STOX2: variants seen among roughly 807,000 people sequenced by gnomAD.
STOX2 encodes the protein storkhead-box protein 2.
In STOX2, 28 loss-of-function variants were observed where a neutral mutation model predicts 60.9. The ratio of observed to expected loss-of-function variants is 0.46; its 90% confidence interval spans 0.34 to 0.63. The LOEUF is 0.63. Among genes scored for constraint, STOX2 ranks in the 30% least tolerant of loss-of-function variants. The pLI is 0.01. For synonymous variants in STOX2, 472 were observed against 463.9 expected (o/e 1.02, Z -0.22); for missense variants, 1,024 against 1,187.7 (o/e 0.86, Z 2.03).
chr4:183,822,839 T>C (rs1739333263), intron 1 of STOX2, among the ~76,000 whole-genome samples: 1 of 152,226 alleles, frequency 6.6e-6, no homozygotes, highest in Admixed American at 6.5e-5. Context: ...AGGCTCTTCT[T>C]ATCTCTATTG....
At chr4:184,008,438 G>A (rs1054969975) in intron 2 of STOX2, among the ~76,000 whole-genome samples, 7 of 152,184 alleles carry the variant, frequency 4.6e-5, no homozygotes, top group African/African-American at 1.7e-4. Flanking sequence ...GAGTGTCAAA[G>A]CCTTCACTCA....
rs202009837 is a variant in STOX2 at position 184,010,863 on chromosome 4, C to T, written c.2025C>T (p.Ile675=). The T allele has an allele frequency of 1.4e-4, 228 of 1,607,482 alleles. 1 individual carries two copies. Among genetic ancestry groups the T allele is most frequent in the East Asian group, 9.2e-4 (41 of 44,778 alleles). ...PAASGGVAEG[I]ANGRLVQHHG... ...CTTCGGGAGGAGTGGCTGAAGGGAT[C>T]GCCAACGGACGCCTCGTCCAGCACC... Residue 675 remains isoleucine, a synonymous_variant, in exon 3 of 4, where the codon ATC becomes ATT. Transcript: ENST00000308497. The surrounding 1 kb of genome is among the most constrained non-coding windows in gnomAD (Gnocchi z 4.5).
chr4:183,886,837 T>C (rs1382045639), intron 1 of STOX2, among the ~76,000 whole-genome samples: 1 of 152,122 alleles, frequency 6.6e-6, no homozygotes, highest in Non-Finnish European at 1.5e-5. Flanking sequence ...TTTCTCATCC[T>C]CCCTCCCACA....
intron 1 of STOX2, among the ~76,000 whole-genome samples, chr4:183,954,884 G>A (rs558820536): frequency 2.0e-5 from 3 of 151,896 alleles, no homozygotes; most frequent in Non-Finnish European, 2.9e-5. Flanking sequence ...GATTACAGGC[G>A]TGCACCACCA....
chr4:183,960,051 G>C (rs1489122402), intron 1 of STOX2, among the ~76,000 whole-genome samples: 1 of 152,236 alleles, frequency 6.6e-6, no homozygotes, highest in Non-Finnish European at 1.5e-5. Context: ...TTAGCTAAGT[G>C]AGTGGTGAAA....
chr4:184,009,890 C>A lies in STOX2; in HGVS notation c.1052C>A (p.Ala351Asp), dbSNP rs1409653185. The change falls in exon 3 of 4, where the codon GCC (alanine) becomes GAC (aspartate). Residue 351 changes from alanine to aspartate, a missense_variant. Ala to Asp is a moderately radical substitution (Grantham distance 126). This residue lies in a region of STOX2 where 922 missense variants were observed against 1,058.3 expected (regional missense o/e 0.87). Transcript: ENST00000308497. This position sits in a 1 kb window ranked among gnomAD's most constrained non-coding sequence, Gnocchi z 4.0. ...KAQRSKAGSS[A>D]HHSGRSKKSR... ...CAGAGGAGTAAAGCCGGGTCCTCTG[C>A]CCATCACAGCGGAAGGAGTAAAAAG... 2 of 1,612,048 alleles carry A rather than the reference C, an allele frequency of 1.2e-6. No homozygotes were observed. The highest frequency in any genetic ancestry group is 2.7e-5 in the African/African-American group (2 of 74,996).
chr4:183,893,754 CTG>C (rs1741280798), intron 1 of STOX2, among the ~76,000 whole-genome samples: 1 of 152,086 alleles, frequency 6.6e-6, no homozygotes, highest in South Asian at 2.1e-4. Flanking sequence ...TAAAGCAAAA[CTG>C]TAACTTAAAA....
chr4:183,979,732 TCTTC>T (rs1158035303), intron 1 of STOX2, among the ~76,000 whole-genome samples: 1 of 152,134 alleles, frequency 6.6e-6, no homozygotes, highest in African/African-American at 2.4e-5. Context: ...TGCCCTAAGT[TCTTC>T]TAATCAATGT....
chr4:183,825,281 G>A lies in STOX2; in HGVS notation c.364+27226G>A, dbSNP rs1047655290. On this transcript the variant is annotated intron_variant, in intron 1 of 2. Coordinates refer to the STOX2 transcript ENST00000513034. This position sits in a 1 kb window ranked among gnomAD's most constrained non-coding sequence, Gnocchi z 4.1. ...TGCATGAGGAGGAGAGGCTGTGGGCGAGGAAGGAAGGACGTGTTCTTAGGA... is the reference window on the plus strand; with the variant it reads ...TGCATGAGGAGGAGAGGCTGTGGGCAAGGAAGGAAGGACGTGTTCTTAGGA... Among the ~76,000 whole-genome samples, 30 of 152,160 alleles carry A rather than the reference G, an allele frequency of 2.0e-4. No individual in the cohort carries two copies. The highest frequency in any genetic ancestry group is 2.2e-4 in the Non-Finnish European group (15 of 68,030).
intron 1 of STOX2, among the ~76,000 whole-genome samples, chr4:183,809,502 G>A (rs922715645): frequency 6.6e-6 from 1 of 152,170 alleles, no homozygotes; most frequent in African/African-American, 2.4e-5. Flanking sequence ...TTGTTCAAGT[G>A]ATTCTTCTGC....
intron 1 of STOX2, among the ~76,000 whole-genome samples, chr4:183,883,738 G>A (rs1051484245): frequency 6.6e-6 from 1 of 152,094 alleles, no homozygotes; most frequent in Non-Finnish European, 1.5e-5. Flanking sequence ...GTGCTGTAAA[G>A]GTCTTCTTCA....
chr4:183,984,722 C>T (rs1051089369), intron 1 of STOX2, among the ~76,000 whole-genome samples: 3 of 152,220 alleles, frequency 2.0e-5, no homozygotes, highest in Admixed American at 1.3e-4. Flanking sequence ...CTGCCAAGGA[C>T]GCAGGCGAGT....
At chr4:184,012,365 G>A (rs1734206408) in intron 3 of STOX2, among the ~76,000 whole-genome samples, 1 of 152,214 alleles carries the variant, frequency 6.6e-6, no homozygotes, top group Admixed American at 6.5e-5. Context: ...TTTCTCATCA[G>A]CTATGATTCC....
chr4:184,011,022 G>T lies in STOX2; in HGVS notation c.2184G>T (p.Pro728=). 1.2e-6 allele frequency: 2 copies of T among 1,613,220 alleles called. No homozygotes were observed. The highest frequency in any genetic ancestry group is 1.7e-6 in the Non-Finnish European group (2 of 1,179,526). ...GCCTGTCCCTCCTCAAATCTCACCC[G>T]AAGACACCTGCTGACACATTGCCAG... ...KSSLSLLKSH[P]KTPADTLPGR... The change falls in exon 3 of 4, where the codon CCG becomes CCT. Residue 728 remains proline (P), a synonymous_variant. Transcript: ENST00000308497. The surrounding 1 kb of genome is among the most constrained non-coding windows in gnomAD (Gnocchi z 4.4).
At chr4:183,983,265 G>A (rs1261559365) in intron 1 of STOX2, among the ~76,000 whole-genome samples, 1 of 152,064 alleles carries the variant, frequency 6.6e-6, no homozygotes, top group Non-Finnish European at 1.5e-5. Context: ...CCTTGATGGC[G>A]CTTTTCTCAT....
upstream of STOX2, among the ~76,000 whole-genome samples, chr4:183,904,873 G>A (rs1560982): frequency 0.48 from 72,870 of 152,042 alleles, 19,266 homozygotes; most frequent in Non-Finnish European, 0.59. Context: ...CCACTGGCTT[G>A]TTTTTGCGAT....
At chr4:183,973,234 CT>C (rs1319097098) in intron 1 of STOX2, among the ~76,000 whole-genome samples, 1 of 152,066 alleles carries the variant, frequency 6.6e-6, no homozygotes, top group East Asian at 1.9e-4. Context: ...CTGAACAAAC[CT>C]AAACAGGCTA....
intron 1 of STOX2, among the ~76,000 whole-genome samples, chr4:183,829,861 C>A (rs1284142011): frequency 2.0e-5 from 3 of 152,188 alleles, no homozygotes; most frequent in Non-Finnish European, 2.9e-5. Flanking sequence ...AAGGAACTTA[C>A]ACTCCCAAAG....
chr4:184,014,566 C>T (rs1247016347), intron 3 of STOX2: 1 of 149,852 alleles, frequency 6.7e-6, no homozygotes, highest in African/African-American at 2.5e-5. Flanking sequence ...TCCATTAGCT[C>T]TCTTTAAAAA....
Sources: gnomAD v4.1 joint callset for allele counts (sites outside exome capture counted in the v4.1 genomes callset) on GRCh38, gnomAD v4.1.1 for gene constraint, gnomAD v4.1.1 regional missense constraint, Gnocchi (gnomAD v3.1) non-coding constraint, MANE v1.5 for transcripts, NCBI Gene and HGNC (gene_info 2026-07-23, HGNC 2026-07-21) for gene names.